Variants in ADCY5 observed in about 807,000 individuals in gnomAD.
The protein encoded by ADCY5 is adenylate cyclase 5.
In ADCY5, 30 loss-of-function variants were observed where a neutral mutation model predicts 119.7. The observed-to-expected ratio is 0.25, with a 90% CI of 0.19 to 0.34. ADCY5 has a LOEUF of 0.34. Ranked by LOEUF, ADCY5 falls within the 10% of genes least tolerant of loss-of-function variation. ADCY5 has a pLI of 1.00. For missense variants in ADCY5, 1,324 were observed against 1,775.2 expected (o/e 0.75, Z 4.57); for synonymous variants, 753 against 762.2 (o/e 0.99, Z 0.20).
At chr3:123,400,858 C>T (rs1343951397) in intron 1 of ADCY5, among the ~76,000 whole-genome samples, 4 of 151,946 alleles carry the variant, frequency 2.6e-5, no homozygotes, top group African/African-American at 9.7e-5. Context: ...GCAGGAGAAT[C>T]GCTTGAACCT....
chr3:123,304,721 C>G (rs1940104430), intron 12 of ADCY5, among the ~76,000 whole-genome samples: 1 of 152,022 alleles, frequency 6.6e-6, no homozygotes, highest in South Asian at 2.1e-4. Flanking sequence ...GAGCTCTATC[C>G]TTAGCACCAA....
intron 14 of ADCY5, among the ~76,000 whole-genome samples, chr3:123,301,711 G>A (rs972699922): frequency 1.1e-4 from 16 of 152,224 alleles, no homozygotes; most frequent in Non-Finnish European, 2.4e-4. Flanking sequence ...CTCACCAGGG[G>A]AGCCACCACC....
At chr3:123,429,667 C>G (rs913907106) in intron 1 of ADCY5, among the ~76,000 whole-genome samples, 3 of 152,220 alleles carry the variant, frequency 2.0e-5, no homozygotes, top group African/African-American at 7.2e-5. Flanking sequence ...CTAAAACCAC[C>G]TGATGGCCCA....
intron 1 of ADCY5, among the ~76,000 whole-genome samples, chr3:123,384,951 C>T (rs1944168309): frequency 6.6e-6 from 1 of 152,130 alleles, no homozygotes; most frequent in South Asian, 2.1e-4. Context: ...GTCCCTGGGA[C>T]CCCACCCTGG....
intron 1 of ADCY5, among the ~76,000 whole-genome samples, chr3:123,434,165 G>A (rs1240042974): frequency 2.6e-5 from 4 of 152,176 alleles, no homozygotes; most frequent in African/African-American, 9.7e-5. Flanking sequence ...AAGAGCACTG[G>A]GTTTGGAGTC....
chr3:123,330,423 G>A (rs896851761), intron 5 of ADCY5, among the ~76,000 whole-genome samples: 10 of 152,176 alleles, frequency 6.6e-5, no homozygotes, highest in African/African-American at 1.9e-4. Context: ...CTCTCTAAGC[G>A]GAACACCTGC....
intron 12 of ADCY5, among the ~76,000 whole-genome samples, chr3:123,310,077 A>G (rs971031368): frequency 2.1e-5 from 3 of 142,810 alleles, no homozygotes; most frequent in Non-Finnish European, 4.5e-5. Flanking sequence ...GCAAGCCATC[A>G]GGCTGGGGGA....
chr3:123,435,432 T>C (rs561211543), intron 1 of ADCY5, among the ~76,000 whole-genome samples: 3 of 152,196 alleles, frequency 2.0e-5, no homozygotes, highest in Admixed American at 2.0e-4. Context: ...ACACACAAGG[T>C]CCCTGCAGAC....
At chr3:123,331,142 G>C (rs1941744670) in intron 4 of ADCY5, 126 bp from the exon 5 acceptor site, 2 of 1,026,798 alleles carry the variant, frequency 1.9e-6, no homozygotes, top group East Asian at 5.3e-5. Flanking sequence ...GTGAGCGCAG[G>C]CCCACGCCGG....
chr3:123,414,568 T>C (rs1051967641), intron 1 of ADCY5, among the ~76,000 whole-genome samples: 3 of 152,156 alleles, frequency 2.0e-5, no homozygotes, highest in African/African-American at 7.2e-5. Context: ...GCTTACCTTT[T>C]TTTTTTGAGA....
intron 1 of ADCY5, among the ~76,000 whole-genome samples, chr3:123,442,061 T>A (rs146328144): frequency 2.0e-5 from 3 of 151,590 alleles, no homozygotes; most frequent in Admixed American, 6.6e-5. Flanking sequence ...CTGCCTTCCA[T>A]GAGCCAGCTA....
At chr3:123,338,353 C>T (rs914373025) in intron 3 of ADCY5, among the ~76,000 whole-genome samples, 2 of 152,214 alleles carry the variant, frequency 1.3e-5, no homozygotes, top group Admixed American at 1.3e-4. Flanking sequence ...CCACATTCCC[C>T]CACCTCCTGT....
chr3:123,446,347 G>A (rs879329153), intron 1 of ADCY5, among the ~76,000 whole-genome samples: 5 of 152,228 alleles, frequency 3.3e-5, no homozygotes, highest in Non-Finnish European at 5.9e-5. Context: ...TTCTATTCGA[G>A]AAGGCAGACA....
intron 8 of ADCY5, among the ~76,000 whole-genome samples, chr3:123,321,488 G>A (rs1178708449): frequency 1.3e-5 from 2 of 152,138 alleles, no homozygotes; most frequent in Admixed American, 6.5e-5. Flanking sequence ...GATGTGTGTC[G>A]GGGTCTCAGC....
At chr3:123,314,375 A>C in intron 11 of ADCY5, 53 bp from the exon 12 acceptor site, 1 of 1,439,014 alleles carries the variant, frequency 6.9e-7, no homozygotes, top group Non-Finnish European at 9.7e-7. Context: ...GCAGGGCTGC[A>C]GCTTCTGGGG....
chr3:123,343,677 G>T (rs1399637412), intron 3 of ADCY5, among the ~76,000 whole-genome samples: 1 of 152,092 alleles, frequency 6.6e-6, no homozygotes, highest in East Asian at 1.9e-4. Flanking sequence ...GCCTCTGCTG[G>T]CATGTCCCAG....
At chr3:123,419,705 C>T (rs1288857378) in intron 1 of ADCY5, among the ~76,000 whole-genome samples, 2 of 152,090 alleles carry the variant, frequency 1.3e-5, no homozygotes, top group Non-Finnish European at 2.9e-5. Context: ...CAATCCTTTG[C>T]TTCCACTGCT....
chr3:123,315,598 C>A (rs1468761089), intron 11 of ADCY5, among the ~76,000 whole-genome samples: 1 of 151,866 alleles, frequency 6.6e-6, no homozygotes, highest in Non-Finnish European at 1.5e-5. Context: ...TTTTTTGAGA[C>A]AGAGTCTCGC....
At chr3:123,288,956 ATT>A (rs1938957589) in intron 19 of ADCY5, among the ~76,000 whole-genome samples, 1 of 152,048 alleles carries the variant, frequency 6.6e-6, no homozygotes, top group South Asian at 2.1e-4. Flanking sequence ...CCTCCTCACC[ATT>A]TCTTTCCCCA....
Sources: gnomAD v4.1 joint callset for allele counts (sites outside exome capture counted in the v4.1 genomes callset) on GRCh38, gnomAD v4.1.1 for gene constraint, MANE v1.5 for transcripts, NCBI Gene and HGNC (gene_info 2026-07-23, HGNC 2026-07-21) for gene names.